The following PKN2 variants were observed in gnomAD, a reference collection of about 807,000 sequenced individuals.
The protein encoded by PKN2 is protein kinase N2, also known as serine/threonine-protein kinase N2.
In PKN2, 38 loss-of-function variants were observed where a neutral mutation model predicts 119.1. That is an observed-to-expected ratio of 0.32 (90% CI 0.25 to 0.42). The LOEUF (loss-of-function observed/expected upper bound fraction) is 0.42. PKN2 is among the 10% of genes least tolerant of loss of function. The pLI, the probability that PKN2 is intolerant of heterozygous loss-of-function variation, is 1.00. For synonymous variants in PKN2, 390 were observed against 384.9 expected (o/e 1.01, Z -0.15); for missense variants, 850 against 1,165.1 (o/e 0.73, Z 3.94).
chr1:88,821,810 A>G (rs1672304321), intron 16 of PKN2, 131 bp from the exon 17 acceptor site: 1 of 681,302 alleles, frequency 1.5e-6, no homozygotes, highest in Non-Finnish European at 2.2e-6. Flanking sequence ...ACAATGTGAT[A>G]CATAGTAGGG....
chr1:88,738,555 A>G (rs549523386), intron 1 of PKN2, among the ~76,000 whole-genome samples: 1 of 152,360 alleles, frequency 6.6e-6, no homozygotes, highest in Non-Finnish European at 1.5e-5. Flanking sequence ...TAAGGAACAA[A>G]GTGGAAAGAA....
intron 8 of PKN2, among the ~76,000 whole-genome samples, chr1:88,794,515 T>C (rs1175745926): frequency 6.6e-6 from 1 of 152,166 alleles, no homozygotes. Context: ...GAGGCAAGAT[T>C]ACTTGAGCCC....
At chr1:88,735,598 GCCCACCCCCCCCCCC>G (rs1344832671) in intron 1 of PKN2, among the ~76,000 whole-genome samples, 2 of 12,040 alleles carry the variant, frequency 1.7e-4, no homozygotes, top group African/African-American at 3.7e-4. Context: ...TTGGTTGACA[GCCCACCCCCCCCCCC>G]CCCACCCCCA....
At chr1:88,819,771 A>G (rs1358631373) in intron 16 of PKN2, among the ~76,000 whole-genome samples, 1 of 152,242 alleles carries the variant, frequency 6.6e-6, no homozygotes, top group Non-Finnish European at 1.5e-5. Flanking sequence ...AGGCCCATCA[A>G]TGATAGACTG....
rs111343301 is a variant in PKN2, at chr1:88,713,555, G to A, written c.49-27433G>A. Among the ~76,000 whole-genome samples the A allele has an allele frequency of 7.2e-5, 11 of 152,136 alleles. No homozygotes were observed. The East Asian group carries it at 1.4e-3, about 19-fold the overall frequency. On this transcript the variant is annotated intron_variant, in intron 1 of 21. Transcript: ENST00000370521. ...ATGATGAGCTTTTTTTCATGTGTCC[G>A]TTGCCTGCATAAATGTCTTCTTTTG...
At chr1:88,758,512 T>C (rs989457068) in intron 2 of PKN2, among the ~76,000 whole-genome samples, 4 of 152,176 alleles carry the variant, frequency 2.6e-5, no homozygotes, top group Non-Finnish European at 5.9e-5. Context: ...TTGTTTTTCA[T>C]GTTCCTCTCC....
chr1:88,734,728 T>C (rs1668271931), intron 1 of PKN2, among the ~76,000 whole-genome samples: 1 of 152,228 alleles, frequency 6.6e-6, no homozygotes, highest in African/African-American at 2.4e-5. Flanking sequence ...GTAATGTGTT[T>C]TGATGGTTTC....
At position 88,684,453 on chromosome 1, in the gene PKN2, A is replaced by T; in HGVS notation, c.-128A>T. 1.2e-6 allele frequency: 1 copy of T among 806,902 alleles called. No homozygotes were observed. Among genetic ancestry groups the T allele is most frequent in the Non-Finnish European group, 1.9e-6 (1 of 535,676 alleles). The allele number at this position is 806,902 out of a possible 1,614,324, so 50.0% of individuals were successfully genotyped here. On this transcript the variant is annotated 5_prime_UTR_variant, in exon 1 of 22. It removes an upstream start codon present in the reference 5' UTR. Coordinates refer to ENST00000370521, the MANE Select transcript of PKN2 (RefSeq NM_006256.4). ...CGCCTCCAGCAGGGGCTGCGCCTCC[A>T]TGAATCCCTAGTTGTTTTTTTTTTT... is the stretch of plus-strand genomic sequence containing the variant.
chr1:88,775,644 C>T (rs1185529383), intron 6 of PKN2, among the ~76,000 whole-genome samples: 3 of 152,096 alleles, frequency 2.0e-5, no homozygotes, highest in Non-Finnish European at 4.4e-5. Flanking sequence ...TTATTATAAT[C>T]TTATCTTTAG....
At chr1:88,752,439 T>C (rs952711972) in intron 2 of PKN2, among the ~76,000 whole-genome samples, 3 of 152,164 alleles carry the variant, frequency 2.0e-5, no homozygotes, top group African/African-American at 7.2e-5. Context: ...CTAATTTTTT[T>C]CTCATTCATG....
intron 1 of PKN2, among the ~76,000 whole-genome samples, chr1:88,720,632 TTTA>T (rs1168262145): frequency 5.3e-5 from 8 of 152,176 alleles, no homozygotes; most frequent in African/African-American, 1.9e-4. Context: ...GACCCTTTTT[TTTA>T]TTATTTCAAC....
In PKN2 at chr1:88,754,227, T is replaced by A. The variant is rs752357325; in HGVS notation, c.350-5995T>A. ...AAACACCGTAAGATATATTGGAGCT[T>A]ATTTTTTTTTCTCTGTGTCTTTTTA... On this transcript the variant is annotated intron_variant, in intron 2 of 21. Transcript: ENST00000370521. Among the ~76,000 whole-genome samples, 3 of 152,202 alleles carry A rather than the reference T, an allele frequency of 2.0e-5. No individual in the cohort carries two copies. In the South Asian group the frequency reaches 6.2e-4, roughly 31 times the overall value.
intron 8 of PKN2, among the ~76,000 whole-genome samples, chr1:88,803,645 G>A (rs1671421071): frequency 6.6e-6 from 1 of 152,066 alleles, no homozygotes; most frequent in South Asian, 2.1e-4. Context: ...CGCCACATAA[G>A]CATTATTTTC....
At chr1:88,764,672 A>G (rs951787736) in intron 3 of PKN2, among the ~76,000 whole-genome samples, 1 of 151,450 alleles carries the variant, frequency 6.6e-6, no homozygotes, top group African/African-American at 2.5e-5. Flanking sequence ...TGTGTACTAT[A>G]ATTATTTTCA....
intron 8 of PKN2, among the ~76,000 whole-genome samples, chr1:88,795,391 A>G (rs890674693): frequency 1.3e-5 from 2 of 152,218 alleles, no homozygotes; most frequent in Admixed American, 6.5e-5. Flanking sequence ...CATTCCTCCC[A>G]TTAAAAATTT....
At chr1:88,727,607 C>G (rs1302590023) in intron 1 of PKN2, among the ~76,000 whole-genome samples, 1 of 152,174 alleles carries the variant, frequency 6.6e-6, no homozygotes, top group Admixed American at 6.5e-5. Flanking sequence ...ATTCCCATTT[C>G]CCTTTTCTTG....
At position 88,779,015 on chromosome 1, in the gene PKN2, G is replaced by T. The variant is rs150992185; in HGVS notation, c.986-5624G>T. ...TGGGATTACAGGCATGAGCCGCCGC[G>T]CCCAGCCAAAGATTTTCTAGTTACG... On this transcript the variant is annotated intron_variant, in intron 6 of 21. Coordinates refer to ENST00000370521, the MANE Select transcript of PKN2 (RefSeq NM_006256.4). Among the ~76,000 whole-genome samples, 222 of 152,276 alleles carry T rather than the reference G, an allele frequency of 1.5e-3. 4 individuals are homozygous for T. In the East Asian group the frequency reaches 0.039, roughly 27 times the overall value.
intron 2 of PKN2, among the ~76,000 whole-genome samples, chr1:88,750,507 G>A (rs1268952138): frequency 1.3e-5 from 2 of 152,084 alleles, no homozygotes; most frequent in African/African-American, 4.8e-5. Context: ...TCTGGCCTTG[G>A]GAAATCTTAT....
chr1:88,731,997 A>G (rs11805943), intron 1 of PKN2, among the ~76,000 whole-genome samples: 10,220 of 152,266 alleles, frequency 0.067, 704 homozygotes, highest in African/African-American at 0.18. Flanking sequence ...TGTATTTACC[A>G]AATACATATT....
Sources: gnomAD v4.1 joint callset for allele counts (sites outside exome capture counted in the v4.1 genomes callset) on GRCh38, gnomAD v4.1.1 for gene constraint, MANE v1.5 for transcripts, NCBI Gene and HGNC (gene_info 2026-07-23, HGNC 2026-07-21) for gene names.